Variants in NOS1 observed in about 807,000 individuals in gnomAD.
NOS1 encodes NOS type I.
A neutral mutation model predicts 164.5 loss-of-function variants in NOS1; 51 were observed. The observed-to-expected ratio is 0.31, with a 90% CI of 0.25 to 0.39. The LOEUF is 0.39. Ranked by LOEUF, NOS1 falls within the 10% of genes least tolerant of loss-of-function variation. NOS1 has a pLI of 1.00. For missense variants in NOS1, 1,362 were observed against 1,885.6 expected, an observed-to-expected ratio of 0.72 and a Z score of 5.14; for synonymous variants, 719 against 745.8, an observed-to-expected ratio of 0.96 and a Z score of 0.59.
At chr12:117,257,657 C>A in intron 16 of NOS1, among the ~76,000 whole-genome samples, 1 of 136,714 alleles carries the variant, frequency 7.3e-6, no homozygotes, top group African/African-American at 2.8e-5. Context: ...TTCAGGCTGG[C>A]CTCAAATTCC....
intron 9 of NOS1, among the ~76,000 whole-genome samples, chr12:117,273,239 C>G (rs1191893382): frequency 6.6e-6 from 1 of 152,010 alleles, no homozygotes; most frequent in Non-Finnish European, 1.5e-5. Context: ...TCATAAGCAC[C>G]GTGGGGGCAG....
intron 9 of NOS1, among the ~76,000 whole-genome samples, chr12:117,277,686 C>G (rs1484028636): frequency 6.6e-6 from 1 of 152,294 alleles, no homozygotes; most frequent in South Asian, 2.1e-4. Flanking sequence ...TCTTTCAATG[C>G]TTAGGGCTGG....
chr12:117,266,356 A>G (rs1872414482), intron 11 of NOS1, among the ~76,000 whole-genome samples: 1 of 151,948 alleles, frequency 6.6e-6, no homozygotes, highest in Admixed American at 6.6e-5. Context: ...AGAACATACG[A>G]TGTTTGGTTT....
At chr12:117,256,335 G>A (rs1223948007) in intron 16 of NOS1, among the ~76,000 whole-genome samples, 1 of 138,600 alleles carries the variant, frequency 7.2e-6, no homozygotes, top group African/African-American at 2.9e-5. Context: ...CTGGAGTGCA[G>A]TAGCGCAATC....
At chr12:117,307,850 C>G (rs896048654) in intron 3 of NOS1, among the ~76,000 whole-genome samples, 9 of 151,858 alleles carry the variant, frequency 5.9e-5, no homozygotes, top group Admixed American at 5.3e-4. Context: ...AACCCCATCT[C>G]CAAAAAATGT....
intron 1 of NOS1, among the ~76,000 whole-genome samples, chr12:117,348,659 C>G (rs1475203378): frequency 6.6e-6 from 1 of 152,168 alleles, no homozygotes; most frequent in Non-Finnish European, 1.5e-5. Flanking sequence ...TATGATCTAT[C>G]AAAACAAATA....
chr12:117,357,048 C>A (rs192365800), intron 1 of NOS1, among the ~76,000 whole-genome samples: 20 of 152,250 alleles, frequency 1.3e-4, no homozygotes, highest in African/African-American at 4.6e-4. Context: ...CTAGGCCTGG[C>A]GTGGTGGCTC....
rs531042280 is a variant in NOS1 at position 117,243,652 on chromosome 12, TCTTC to T, written c.2824-221_2824-218del. On this transcript the variant is annotated intron_variant, in intron 18 of 28. Coordinates refer to ENST00000317775, the MANE Select transcript of NOS1 (RefSeq NM_000620.5). The surrounding 1 kb of genome is among the most constrained non-coding windows in gnomAD (Gnocchi z 4.3). The stretch of plus-strand genomic sequence containing the variant: ...CTTTCTTCCCTCTACCCTTTCGTTG[TCTTC>T]CTTCCATCCATTCACCCATCCACTC... Among the ~76,000 whole-genome samples the T allele has an allele frequency of 1.6e-3, 241 of 151,170 alleles. No individual in the cohort carries two copies. Among genetic ancestry groups the T allele is most frequent in the African/African-American group, 5.4e-3 (222 of 41,170 alleles).
At chr12:117,360,515 G>C (rs1341899158) in intron 1 of NOS1, among the ~76,000 whole-genome samples, 1 of 152,270 alleles carries the variant, frequency 6.6e-6, no homozygotes, top group East Asian at 1.9e-4. Flanking sequence ...AGGTTTTGGA[G>C]ACGGCGCTCT....
intron 9 of NOS1, among the ~76,000 whole-genome samples, chr12:117,274,320 T>C (rs1873009139): frequency 6.6e-6 from 1 of 152,136 alleles, no homozygotes; most frequent in Non-Finnish European, 1.5e-5. Flanking sequence ...TAACAAATGC[T>C]GGCAAGGTTG....
intron 5 of NOS1, among the ~76,000 whole-genome samples, chr12:117,287,207 C>T (rs1428672387): frequency 1.3e-5 from 2 of 152,050 alleles, no homozygotes; most frequent in Non-Finnish European, 2.9e-5. Flanking sequence ...GAGCAAGACT[C>T]TGTCTCAAAA....
chr12:117,264,783 G>A (rs956438254), intron 12 of NOS1, among the ~76,000 whole-genome samples: 2 of 150,696 alleles, frequency 1.3e-5, no homozygotes, highest in Non-Finnish European at 2.9e-5. Flanking sequence ...TCAGTGGCTT[G>A]ATATCGGCTC....
Position 117,212,797 on chromosome 12 carries a change from G to C in NOS1, c.*2512C>G. 1.0e-6 allele frequency: 1 copy of C among 985,438 alleles called. No individual in the cohort carries two copies. The highest frequency in any genetic ancestry group is 1.2e-6 in the Non-Finnish European group (1 of 829,934). The allele number at this position is 985,438 out of a possible 1,614,324, so 61.0% of individuals were successfully genotyped here. A position where few individuals can be genotyped will look rare whatever the true frequency, so the allele number is the denominator to read the frequency against. ...GGCAGTATTTCCCCACCCTTGATCT[G>C]AGCCTAACAATCTGGACTCCACTCT... On this transcript the variant is annotated 3_prime_UTR_variant, in exon 29 of 29. Transcript: ENST00000317775.
At chr12:117,267,966 A>G in intron 11 of NOS1, 77 bp downstream of exon 11, 1 of 1,044,250 alleles carries the variant, frequency 9.6e-7, no homozygotes, top group East Asian at 2.4e-5. Context: ...AGGTCTCTTG[A>G]TCCTCTGCAT....
rs1163312489 is a variant in NOS1, at chr12:117,212,854, G to A, written c.*2455C>T. The A allele has an allele frequency of 8.1e-6, 8 of 985,298 alleles. No individual in the cohort carries two copies. The African/African-American group carries it at 1.4e-4, about 17-fold the overall frequency. 61.0% of individuals were successfully genotyped at this position (985,298 alleles called of 1,614,324 possible). ...TGAGAGGTTACTCAACAGAGAGAGAGGCTTTTGGTATCAGGAATTCTGGCA... is the reference window on the plus strand; with the variant it reads ...TGAGAGGTTACTCAACAGAGAGAGAAGCTTTTGGTATCAGGAATTCTGGCA... On this transcript the variant is annotated 3_prime_UTR_variant, in exon 29 of 29. Transcript: ENST00000317775.
At chr12:117,257,026 C>G (rs978162528) in intron 16 of NOS1, among the ~76,000 whole-genome samples, 7 of 152,038 alleles carry the variant, frequency 4.6e-5, no homozygotes, top group Admixed American at 3.3e-4. Context: ...GAGCTGAGAT[C>G]GTGCCATTGC....
chr12:117,232,334 T>G (rs1869310804), intron 21 of NOS1, among the ~76,000 whole-genome samples: 3 of 151,992 alleles, frequency 2.0e-5, no homozygotes, highest in African/African-American at 7.2e-5. Context: ...ATTAGGCAAA[T>G]GAATCCAAAA....
rs1285135880 is a variant in NOS1 at position 117,227,510 on chromosome 12, G to A, written c.3537C>T (p.Tyr1179=). ...LTQLSLLQPR[Y]YSISSSPDMY... The stretch of plus-strand genomic sequence containing the variant: ...TGTCTGGGGAGGAGCTGATGGAATA[G>A]TAGCGGGGCTGCAGCAGGGACAGCT... The change falls in exon 23 of 29, where the codon TAC becomes TAT. Residue 1179 remains tyrosine, a synonymous_variant. Coordinates refer to ENST00000317775, the MANE Select transcript of NOS1 (RefSeq NM_000620.5). 6.2e-7 allele frequency: 1 copy of A among 1,613,228 alleles called. No individual in the cohort carries two copies. Among genetic ancestry groups the A allele is most frequent in the East Asian group, 2.2e-5 (1 of 44,856 alleles).
chr12:117,229,985 T>A (rs1423166852), intron 22 of NOS1, among the ~76,000 whole-genome samples: 2 of 152,152 alleles, frequency 1.3e-5, no homozygotes, highest in African/African-American at 4.8e-5. Flanking sequence ...AGTTGCAAGA[T>A]CGTGATTCAC....
Sources: gnomAD v4.1 joint callset for allele counts (sites outside exome capture counted in the v4.1 genomes callset) on GRCh38, gnomAD v4.1.1 for gene constraint, Gnocchi (gnomAD v3.1) non-coding constraint, MANE v1.5 for transcripts, NCBI Gene and HGNC (gene_info 2026-07-23, HGNC 2026-07-21) for gene names.